The following NOVA1 variants were observed in gnomAD, a reference collection of about 807,000 sequenced individuals.
NOVA1 encodes NOVA alternative splicing regulator 1, also known as RNA-binding protein Nova-1.
In NOVA1, 7 loss-of-function variants were observed where a neutral mutation model predicts 38.0. That is an observed-to-expected ratio of 0.18 (90% CI 0.10 to 0.35). The LOEUF (loss-of-function observed/expected upper bound fraction) is 0.35. Among genes scored for constraint, NOVA1 ranks in the 10% least tolerant of loss-of-function variants. The pLI, the probability that NOVA1 is intolerant of heterozygous loss-of-function variation, is 1.00. For synonymous variants in NOVA1, 270 were observed against 232.5 expected, an observed-to-expected ratio of 1.16 and a Z score of -1.47; for missense variants, 460 against 616.0, an observed-to-expected ratio of 0.75 and a Z score of 2.68.
intron 2 of NOVA1, among the ~76,000 whole-genome samples, chr14:26,575,640 T>C (rs1892793525): frequency 2.0e-5 from 3 of 152,086 alleles, no homozygotes; most frequent in Admixed American, 1.3e-4. Flanking sequence ...TCCTCTACTT[T>C]ATCACATATA....
At chr14:26,535,338 G>A (rs911068158) in intron 2 of NOVA1, among the ~76,000 whole-genome samples, 12 of 152,106 alleles carry the variant, frequency 7.9e-5, no homozygotes, top group Admixed American at 1.3e-4. Context: ...AAATAAAAAC[G>A]GATATGGTTT....
At chr14:26,596,932 G>A (rs1361744075) in intron 1 of NOVA1, 2 of 1,187,718 alleles carry the variant, frequency 1.7e-6, no homozygotes, top group African/African-American at 3.2e-5. Flanking sequence ...GCGCATCTTC[G>A]GGCGGCCATC....
chr14:26,456,822 AG>A (rs1883219571), intron 4 of NOVA1, among the ~76,000 whole-genome samples: 2 of 151,986 alleles, frequency 1.3e-5, no homozygotes, highest in Admixed American at 6.6e-5. Context: ...TAGTGTTTTA[AG>A]GTAAGTGTTT....
At chr14:26,511,429 TTAG>T (rs1888074821) in intron 2 of NOVA1, among the ~76,000 whole-genome samples, 1 of 152,130 alleles carries the variant, frequency 6.6e-6, no homozygotes, top group Admixed American at 6.5e-5. Context: ...TCCTTAGATT[TTAG>T]TTTAATCATC....
chr14:26,449,381 A>G (rs1480654108), intron 4 of NOVA1, among the ~76,000 whole-genome samples: 2 of 152,178 alleles, frequency 1.3e-5, no homozygotes, highest in African/African-American at 4.8e-5. Context: ...TAAAAAACAA[A>G]GAATGCAGAA....
intron 4 of NOVA1, chr14:26,470,525 TA>T: frequency 7.5e-7 from 1 of 1,337,856 alleles, no homozygotes; most frequent in Non-Finnish European, 1.1e-6. Context: ...AGAGTATAAG[TA>T]ACAATATAAC....
At chr14:26,542,409 C>A (rs35019381) in intron 2 of NOVA1, among the ~76,000 whole-genome samples, 1 of 151,822 alleles carries the variant, frequency 6.6e-6, no homozygotes, top group East Asian at 1.9e-4. Flanking sequence ...CTACTTTTGA[C>A]TAAATTTCAG....
intron 2 of NOVA1, among the ~76,000 whole-genome samples, chr14:26,541,071 C>G (rs1890437221): frequency 6.6e-6 from 1 of 151,986 alleles, no homozygotes; most frequent in African/African-American, 2.4e-5. Context: ...GGAGAGGAAA[C>G]AGTCACAAGT....
chr14:26,597,793 C>T lies in NOVA1; in HGVS notation c.-357G>A. ...AGCGGGAGGAGGGGACCGGGGAGGA[C>T]AGGCAGAGGGAGTGGGAGAGCGCGA... On this transcript the variant is annotated 5_prime_UTR_variant, in exon 1 of 5. Transcript: ENST00000539517. 1.5e-6 allele frequency: 1 copy of T among 679,358 alleles called. No homozygotes were observed. The highest frequency in any genetic ancestry group is 1.8e-6 in the Non-Finnish European group (1 of 548,292). 42.1% of individuals were successfully genotyped at this position (679,358 alleles called of 1,614,324 possible). A position where few individuals can be genotyped will look rare whatever the true frequency, so the allele number is the denominator to read the frequency against.
chr14:26,596,864 G>C, intron 1 of NOVA1: 1 of 1,130,492 alleles, frequency 8.8e-7, no homozygotes, highest in Non-Finnish European at 1.1e-6. Flanking sequence ...CCAGTCATTC[G>C]CAATCCGCTA....
chr14:26,581,552 AG>A (rs1371503500), intron 2 of NOVA1, among the ~76,000 whole-genome samples: 2 of 152,036 alleles, frequency 1.3e-5, no homozygotes, highest in Non-Finnish European at 2.9e-5. Context: ...AAAGATATCA[AG>A]GTTCTATATA....
chr14:26,485,753 A>C (rs1249987920), intron 2 of NOVA1, among the ~76,000 whole-genome samples: 1 of 152,176 alleles, frequency 6.6e-6, no homozygotes, highest in Non-Finnish European at 1.5e-5. Context: ...TTATATTCCT[A>C]CTGGAAATAT....
At chr14:26,514,378 G>A (rs1469545892) in intron 2 of NOVA1, among the ~76,000 whole-genome samples, 1 of 151,466 alleles carries the variant, frequency 6.6e-6, no homozygotes, top group Non-Finnish European at 1.5e-5. Flanking sequence ...TATTCTCACA[G>A]AATACCAAAT....
rs1247901485 is a variant in NOVA1, at chr14:26,443,797, T to A, written c.*4162A>T. 6.6e-6 allele frequency: 1 copy of A among 152,040 alleles called. No homozygotes were observed. Among genetic ancestry groups the A allele is most frequent in the Admixed American group, 6.6e-5 (1 of 15,204 alleles). The allele number at this position is 152,040 out of a possible 1,614,324, so 9.4% of individuals were successfully genotyped here. A position where few individuals can be genotyped will look rare whatever the true frequency, so the allele number is the denominator to read the frequency against. On this transcript the variant is annotated 3_prime_UTR_variant, in exon 5 of 5. Transcript: ENST00000539517. ...GGCTGTTTGCCTCAGTTAAGTAACG[T>A]GTGTACATTAAATTTATGACTGTAT...
At chr14:26,571,319 A>T (rs1440697776) in intron 2 of NOVA1, among the ~76,000 whole-genome samples, 1 of 152,168 alleles carries the variant, frequency 6.6e-6, no homozygotes, top group Non-Finnish European at 1.5e-5. Context: ...AAGGTGCTGC[A>T]AGCCAAGAGC....
At chr14:26,548,810 GA>G (rs36112756) in intron 2 of NOVA1, among the ~76,000 whole-genome samples, 17 of 148,576 alleles carry the variant, frequency 1.1e-4, no homozygotes, top group East Asian at 2.0e-4. Context: ...AAATGTTAAA[GA>G]AAAAAAAAAA....
chr14:26,514,205 AGG>A (rs1888297680), intron 2 of NOVA1, among the ~76,000 whole-genome samples: 1 of 151,748 alleles, frequency 6.6e-6, no homozygotes, highest in Non-Finnish European at 1.5e-5. Context: ...ATGTAAGTAT[AGG>A]CACAATATAT....
chr14:26,483,382 G>C (rs971811135), intron 2 of NOVA1, among the ~76,000 whole-genome samples: 1 of 152,064 alleles, frequency 6.6e-6, no homozygotes, highest in Non-Finnish European at 1.5e-5. Flanking sequence ...ATTCCCATCA[G>C]TAGGAAATAT....
chr14:26,571,801 T>C (rs868326479), intron 2 of NOVA1, among the ~76,000 whole-genome samples: 2 of 152,204 alleles, frequency 1.3e-5, no homozygotes, highest in African/African-American at 2.4e-5. Flanking sequence ...CTCAATAGAA[T>C]ATTATTACAA....
Sources: allele counts gnomAD v4.1 joint callset (sites outside exome capture counted in the v4.1 genomes callset), GRCh38; gene constraint gnomAD v4.1.1; transcripts MANE v1.5; gene names NCBI Gene and HGNC (gene_info 2026-07-23, HGNC 2026-07-21).